STAMBPL1: variants seen among roughly 807,000 people sequenced by gnomAD.
STAMBPL1 encodes the protein AMSH-like protease.
STAMBPL1 carries 44 observed loss-of-function variants against 52.9 expected under a neutral mutation model. The ratio of observed to expected loss-of-function variants is 0.83; its 90% CI spans 0.65 to 1.07. The LOEUF (loss-of-function observed/expected upper bound fraction) is 1.07. Among genes scored for constraint, STAMBPL1 ranks in the 50% least tolerant of loss-of-function variants. The pLI is 0.00. For synonymous variants in STAMBPL1, 164 were observed against 177.3 expected, an observed-to-expected ratio of 0.92 and a Z score of 0.60; for missense variants, 511 against 520.8, an observed-to-expected ratio of 0.98 and a Z score of 0.18.
intron 1 of STAMBPL1, among the ~76,000 whole-genome samples, chr10:88,894,743 A>G (rs1844770501): frequency 6.6e-6 from 1 of 152,238 alleles, no homozygotes; most frequent in Non-Finnish European, 1.5e-5. Context: ...GGAGGGAAGC[A>G]TTGTTAATGT....
chr10:88,916,936 A>G (rs1427612288), intron 8 of STAMBPL1, 119 bp downstream of exon 8: 1 of 1,117,378 alleles, frequency 8.9e-7, no homozygotes, highest in Non-Finnish European at 1.2e-6. Context: ...CAAATGTAAT[A>G]AAGGTTGTCA....
chr10:88,914,238 A>C (rs1280482275), intron 6 of STAMBPL1, among the ~76,000 whole-genome samples: 2 of 152,144 alleles, frequency 1.3e-5, no homozygotes, highest in African/African-American at 4.8e-5. Context: ...ATTTAACCCT[A>C]TATTTGCTTC....
At chr10:88,922,123 G>A (rs971572731) in intron 9 of STAMBPL1, among the ~76,000 whole-genome samples, 3 of 151,842 alleles carry the variant, frequency 2.0e-5, no homozygotes, top group Admixed American at 1.3e-4. Context: ...TCCCCTTAAC[G>A]GTCCTGCAGG....
At position 88,913,308 on chromosome 10, in the gene STAMBPL1, G is replaced by C. The variant is rs9988723; in HGVS notation, c.628G>C (p.Ala210Pro). The change falls in exon 6 of 11, where the codon GCT (alanine) becomes CCT (proline). Residue 210 changes from alanine (A) to proline (P), a missense_variant. Physicochemically the swap from Ala to Pro is conservative, Grantham distance 27 (BLOSUM62 -1). Coordinates refer to ENST00000371926, the MANE Select transcript of STAMBPL1 (RefSeq NM_020799.4). ...GCTGTCAGAGCAGATTGATGGGAGC[G>C]CTTTGTCCTGCTTTTCCACACACCA... ...SGLSEQIDGS[A>P]LSCFSTHQNN... The C allele has an allele frequency of 1.9e-6, 3 of 1,613,726 alleles. No individual in the cohort carries two copies. The highest frequency in any genetic ancestry group is 2.2e-5 in the East Asian group (1 of 44,898).
In STAMBPL1 at chr10:88,890,887, T is replaced by G. The variant is rs914450526; in HGVS notation, c.-54+10249T>G. 2.6e-5 allele frequency among the ~76,000 whole-genome samples: 4 copies of G among 152,238 alleles called. No homozygotes were observed. In the East Asian group the frequency reaches 5.8e-4, roughly 22 times the overall value. On this transcript the variant is annotated intron_variant, in intron 1 of 10. Coordinates refer to ENST00000371926, the MANE Select transcript of STAMBPL1 (RefSeq NM_020799.4). Reference sequence around the variant, plus strand: ...CCTCATTCCAGTGTTGCATACTTGCTTCCTCTCTGGGCTACCAATTCCTCT... The same window carrying G: ...CCTCATTCCAGTGTTGCATACTTGCGTCCTCTCTGGGCTACCAATTCCTCT...
Position 88,921,242 on chromosome 10 carries a change from G to C in STAMBPL1, c.1042-41G>C, listed in dbSNP as rs1045035730. The C allele has an allele frequency of 2.6e-6, 4 of 1,526,020 alleles. No homozygotes were observed. The Admixed American group carries it at 5.1e-5, about 19-fold the overall frequency. The allele number at this position is 1,526,020 out of a possible 1,614,324, so 94.5% of individuals were successfully genotyped here. A position where few individuals can be genotyped will look rare whatever the true frequency, so the allele number is the denominator to read the frequency against. ...TAAAATAGCCTATGGCCTTGGCTAA[G>C]ACAGCTATCCTAGTAAGATTATCTT... On this transcript the variant is annotated intron_variant, in intron 8 of 10. Transcript: ENST00000371926.
Position 88,913,478 on chromosome 10 carries a change from C to T in STAMBPL1, c.778+20C>T. 6.3e-7 allele frequency: 1 copy of T among 1,582,446 alleles called. No individual in the cohort carries two copies. Among genetic ancestry groups the T allele is most frequent in the South Asian group, 1.1e-5 (1 of 87,520 alleles). ...TTCAGAGTAAGTGATGAAATGCACCCATGTGAGACACTGAGCCTCATCGGA... is the reference window on the plus strand; with the variant it reads ...TTCAGAGTAAGTGATGAAATGCACCTATGTGAGACACTGAGCCTCATCGGA... On this transcript the variant is annotated intron_variant, in intron 6 of 10. Transcript: ENST00000371926.
At chr10:88,894,828 C>A (rs1844773661) in intron 1 of STAMBPL1, among the ~76,000 whole-genome samples, 1 of 152,018 alleles carries the variant, frequency 6.6e-6, no homozygotes, top group Non-Finnish European at 1.5e-5. Flanking sequence ...CTGTTTCCTT[C>A]AAAAATATTT....
chr10:88,891,488 T>G (rs1844682495), intron 1 of STAMBPL1, among the ~76,000 whole-genome samples: 1 of 152,186 alleles, frequency 6.6e-6, no homozygotes, highest in African/African-American at 2.4e-5. Context: ...CAATGGTATA[T>G]TTGCATAGTT....
At chr10:88,915,735 G>T (rs550243626) in intron 7 of STAMBPL1, among the ~76,000 whole-genome samples, 2 of 152,288 alleles carry the variant, frequency 1.3e-5, no homozygotes, top group African/African-American at 4.8e-5. Flanking sequence ...GGGGCTAAGT[G>T]CTGTCTGTGC....
chr10:88,916,579 C>G lies in STAMBPL1; in HGVS notation c.904-101C>G, dbSNP rs573476510. ...TGGTCCCTGTACCTGGACACACCCC[C>G]CTGCTGGGGGACTCTTTAGTCTTAA... On this transcript the variant is annotated intron_variant, in intron 7 of 10. Transcript: ENST00000371926. 131 of 1,240,222 alleles carry G rather than the reference C, an allele frequency of 1.1e-4. No individual in the cohort carries two copies. In the African/African-American group the frequency reaches 2.0e-3, roughly 19 times the overall value. The allele number at this position is 1,240,222 out of a possible 1,614,324, so 76.8% of individuals were successfully genotyped here.
chr10:88,886,552 G>T (rs1844538752), intron 1 of STAMBPL1, among the ~76,000 whole-genome samples: 1 of 151,978 alleles, frequency 6.6e-6, no homozygotes, highest in Non-Finnish European at 1.5e-5. Context: ...GCAATGCTTA[G>T]GTATAGTGGC....
intron 9 of STAMBPL1, among the ~76,000 whole-genome samples, chr10:88,922,079 C>A (rs1051782494): frequency 1.3e-4 from 20 of 152,086 alleles, no homozygotes; most frequent in Non-Finnish European, 2.4e-4. Flanking sequence ...TTGGCCTTTC[C>A]TCTGGGGTCA....
At chr10:88,899,972 C>G (rs1169923757) in intron 1 of STAMBPL1, among the ~76,000 whole-genome samples, 29 of 152,056 alleles carry the variant, frequency 1.9e-4, no homozygotes, top group Admixed American at 1.9e-3. Context: ...GTATTAATTC[C>G]TCAGTTGGGA....
In STAMBPL1 at chr10:88,921,202, A is replaced by C. The variant is rs572132632; in HGVS notation, c.1042-81A>C. ...TTAATGATGGTAAAAACTAAAAAAA[A>C]ACAGAGTTTTCTATTAAAATAGCCT... is the stretch of plus-strand genomic sequence containing the variant. On this transcript the variant is annotated intron_variant, in intron 8 of 10. Coordinates refer to ENST00000371926, the MANE Select transcript of STAMBPL1 (RefSeq NM_020799.4). 1,990 of 1,150,030 alleles carry C rather than the reference A, an allele frequency of 1.7e-3. 3 individuals carry two copies. The highest frequency in any genetic ancestry group is 2.3e-3 in the Non-Finnish European group (1,849 of 809,494). The allele number at this position is 1,150,030 out of a possible 1,614,324, so 71.2% of individuals were successfully genotyped here. A position where few individuals can be genotyped will look rare whatever the true frequency, so the allele number is the denominator to read the frequency against.
intron 4 of STAMBPL1, among the ~76,000 whole-genome samples, chr10:88,909,507 C>T (rs546335567): frequency 2.0e-5 from 3 of 152,222 alleles, no homozygotes; most frequent in African/African-American, 4.8e-5. Flanking sequence ...AAACACTTTA[C>T]CAAATAATGA....
intron 1 of STAMBPL1, chr10:88,882,426 CTTAA>C (rs1439086006): frequency 1.3e-5 from 2 of 152,190 alleles, no homozygotes; most frequent in East Asian, 3.8e-4. Context: ...GCACATAGGA[CTTAA>C]TTAACACCGT....
At chr10:88,917,794 G>C (rs1845407051) in intron 8 of STAMBPL1, among the ~76,000 whole-genome samples, 1 of 152,014 alleles carries the variant, frequency 6.6e-6, no homozygotes, top group South Asian at 2.1e-4. Context: ...AATTTAAAAA[G>C]AACAGAAATT....
At chr10:88,912,736 G>A (rs1460399679) in intron 5 of STAMBPL1, 1 of 171,120 alleles carries the variant, frequency 5.8e-6, no homozygotes, top group African/African-American at 2.4e-5. Flanking sequence ...TGTGGCTAGT[G>A]GCCACTATAT....
Sources: gnomAD v4.1 joint callset for allele counts (sites outside exome capture counted in the v4.1 genomes callset) on GRCh38, gnomAD v4.1.1 for gene constraint, MANE v1.5 for transcripts, NCBI Gene and HGNC (gene_info 2026-07-23, HGNC 2026-07-21) for gene names.